The following RPS6KC1 variants were observed in gnomAD, a reference collection of about 807,000 sequenced individuals.
The protein encoded by RPS6KC1 is ribosomal protein S6 kinase C1.
RPS6KC1 carries 54 observed loss-of-function variants against 103.8 expected under a neutral mutation model. The observed-to-expected ratio is 0.52, with a 90% CI of 0.42 to 0.65. The LOEUF is 0.65. Ranked by LOEUF, RPS6KC1 falls within the 30% of genes least tolerant of loss-of-function variation. The pLI, the probability that RPS6KC1 is intolerant of heterozygous loss-of-function variation, is 0.00. For missense variants in RPS6KC1, 1,151 were observed against 1,253.8 expected (o/e 0.92, Z 1.24); for synonymous variants, 439 against 438.7 (o/e 1.00, Z -0.01).
the RPS6KC1 span, among the ~76,000 whole-genome samples, chr1:213,726,520 G>A: frequency 6.6e-6 from 1 of 152,208 alleles, no homozygotes; most frequent in Non-Finnish European, 1.5e-5. Context: ...AGACAAACAT[G>A]TCTCTAATTC....
the RPS6KC1 span, among the ~76,000 whole-genome samples, chr1:213,336,206 T>C: frequency 7.9e-5 from 12 of 152,210 alleles, no homozygotes; most frequent in Admixed American, 7.2e-4. Flanking sequence ...CCCTTCAAAC[T>C]TGAGCTTGAA....
chr1:213,670,541 T>C, the RPS6KC1 span, among the ~76,000 whole-genome samples: 1 of 152,222 alleles, frequency 6.6e-6, no homozygotes, highest in African/African-American at 2.4e-5. Context: ...AAAGGCTCCT[T>C]GCTCTCAGGA....
the RPS6KC1 span, among the ~76,000 whole-genome samples, chr1:213,398,313 C>T: frequency 2.6e-5 from 4 of 151,312 alleles, no homozygotes; most frequent in East Asian, 5.9e-4. Flanking sequence ...TCCCAAAGTG[C>T]TAGGATTACA....
the RPS6KC1 span, among the ~76,000 whole-genome samples, chr1:213,796,966 C>T: frequency 6.6e-6 from 1 of 152,162 alleles, no homozygotes; most frequent in Non-Finnish European, 1.5e-5. Flanking sequence ...TAAAATCTTA[C>T]CAGATCAATA....
chr1:213,376,063 T>C, the RPS6KC1 span, among the ~76,000 whole-genome samples: 1 of 151,548 alleles, frequency 6.6e-6, no homozygotes, highest in Non-Finnish European at 1.5e-5. Flanking sequence ...ATATTGTGTA[T>C]AATGGCTCTT....
the RPS6KC1 span, among the ~76,000 whole-genome samples, chr1:213,353,933 A>G: frequency 6.6e-6 from 1 of 152,246 alleles, no homozygotes; most frequent in South Asian, 2.1e-4. Flanking sequence ...GAGCAAAGGC[A>G]CAGAGGGCCA....
intron 3 of RPS6KC1, among the ~76,000 whole-genome samples, chr1:213,083,591 C>T (rs929455317): frequency 1.3e-5 from 2 of 152,130 alleles, no homozygotes; most frequent in African/African-American, 2.4e-5. Context: ...GTGGATGTGA[C>T]TTAGATGAGA....
the RPS6KC1 span, among the ~76,000 whole-genome samples, chr1:213,850,984 G>A: frequency 1.9e-4 from 29 of 152,156 alleles, no homozygotes; most frequent in Middle Eastern, 6.8e-3. Context: ...ACTCCATGGA[G>A]CCCTTCGAAT....
the RPS6KC1 span, among the ~76,000 whole-genome samples, chr1:213,354,699 C>G: frequency 6.6e-6 from 1 of 152,132 alleles, no homozygotes; most frequent in East Asian, 1.9e-4. Context: ...GCTCAGGTCT[C>G]TCTCCCTTTC....
At chr1:213,749,488 C>A in the RPS6KC1 span, among the ~76,000 whole-genome samples, 18 of 152,252 alleles carry the variant, frequency 1.2e-4, no homozygotes, top group Non-Finnish European at 2.4e-4. Context: ...CAAGCACATG[C>A]CCTGGGCATG....
the RPS6KC1 span, among the ~76,000 whole-genome samples, chr1:213,343,043 A>T: frequency 1.6e-4 from 24 of 152,152 alleles, 1 homozygote; most frequent in South Asian, 2.7e-3. Context: ...CTCAAAAAAA[A>T]TTTTTTTGTA....
the RPS6KC1 span, among the ~76,000 whole-genome samples, chr1:213,481,800 C>T: frequency 2.0e-5 from 3 of 152,148 alleles, no homozygotes; most frequent in South Asian, 2.1e-4. Flanking sequence ...TTATATTTAC[C>T]AGTGAAATAG....
chr1:213,793,910 C>T, the RPS6KC1 span, among the ~76,000 whole-genome samples: 2,144 of 151,818 alleles, frequency 0.014, 22 homozygotes, highest in Non-Finnish European at 0.023. Flanking sequence ...CTTTTTTTTC[C>T]CCAGAAATGT....
At chr1:213,648,828 A>G in the RPS6KC1 span, among the ~76,000 whole-genome samples, 6,910 of 152,194 alleles carry the variant, frequency 0.045, 269 homozygotes, top group East Asian at 0.16. Context: ...TGTCCCCACC[A>G]TGACAATCCT....
intron 2 of RPS6KC1, among the ~76,000 whole-genome samples, chr1:213,075,718 T>C (rs906991561): frequency 1.4e-4 from 21 of 151,766 alleles, no homozygotes; most frequent in Non-Finnish European, 2.4e-4. Flanking sequence ...TCAGTTTATT[T>C]ATCATTTTAG....
the RPS6KC1 span, among the ~76,000 whole-genome samples, chr1:213,534,894 T>C: frequency 1.3e-5 from 2 of 152,200 alleles, no homozygotes; most frequent in African/African-American, 4.8e-5. Context: ...AACATTCTCC[T>C]CTTCCATGCT....
At chr1:213,631,012 G>T in the RPS6KC1 span, among the ~76,000 whole-genome samples, 71 of 152,298 alleles carry the variant, frequency 4.7e-4, no homozygotes, top group East Asian at 1.2e-3. Flanking sequence ...CTCTGAGCCA[G>T]GTGTGGGATA....
chr1:213,614,489 G>A, the RPS6KC1 span, among the ~76,000 whole-genome samples: 1 of 152,316 alleles, frequency 6.6e-6, no homozygotes, highest in Non-Finnish European at 1.5e-5. Context: ...AGAACTCTGA[G>A]GGTCTCTTTG....
intron 6 of RPS6KC1, among the ~76,000 whole-genome samples, chr1:213,130,187 A>G (rs2085448383): frequency 6.6e-6 from 1 of 152,220 alleles, no homozygotes; most frequent in Admixed American, 6.5e-5. Flanking sequence ...TCTGATTTGA[A>G]AAGGCAGTGT....
Sources: allele counts gnomAD v4.1 joint callset (sites outside exome capture counted in the v4.1 genomes callset), GRCh38; gene constraint gnomAD v4.1.1; transcripts MANE v1.5; gene names NCBI Gene and HGNC (gene_info 2026-07-23, HGNC 2026-07-21).